The following PI4KA variants were observed in gnomAD, a reference collection of about 807,000 sequenced individuals.
PI4KA encodes PI4-kinase alpha.
A neutral mutation model predicts 271.4 loss-of-function variants in PI4KA; 122 were observed. The observed-to-expected ratio is 0.45, with a 90% CI of 0.39 to 0.52. The LOEUF is 0.52. PI4KA is among the 20% of genes least tolerant of loss of function. PI4KA has a pLI of 0.00. For missense variants in PI4KA, 1,969 were observed against 2,769.1 expected, an observed-to-expected ratio of 0.71 and a Z score of 6.48; for synonymous variants, 1,041 against 1,078.8, an observed-to-expected ratio of 0.96 and a Z score of 0.69.
chr22:20,770,513 CAAAAAAA>C (rs1178691364), intron 19 of PI4KA, among the ~76,000 whole-genome samples: 24 of 13,200 alleles, frequency 1.8e-3, no homozygotes, highest in African/African-American at 8.1e-3. Context: ...AACTCCGTCT[CAAAAAAA>C]AAAAAAAAAA....
At chr22:20,796,336 A>G in intron 17 of PI4KA, 22 bp from the exon 18 acceptor site, 1 of 1,605,084 alleles carries the variant, frequency 6.2e-7, no homozygotes, top group East Asian at 2.2e-5. Context: ...GGAGTGAAAT[A>G]ACAGCCACTG....
chr22:20,828,844 C>T (rs944649171), intron 3 of PI4KA, among the ~76,000 whole-genome samples: 3 of 152,140 alleles, frequency 2.0e-5, no homozygotes, highest in Non-Finnish European at 2.9e-5. Flanking sequence ...TGAGCCACCA[C>T]GCCTGGCCTG....
intron 3 of PI4KA, among the ~76,000 whole-genome samples, chr22:20,833,960 C>T (rs1924549080): frequency 1.3e-5 from 2 of 151,884 alleles, no homozygotes; most frequent in African/African-American, 2.4e-5. Context: ...GCCCGGCCGA[C>T]CCAGACTAGT....
chr22:20,840,434 G>A (rs1311763390), intron 1 of PI4KA, among the ~76,000 whole-genome samples: 1 of 152,198 alleles, frequency 6.6e-6, no homozygotes, highest in Non-Finnish European at 1.5e-5. Context: ...CAAACACATA[G>A]AGGCCTTAGG....
intron 39 of PI4KA, among the ~76,000 whole-genome samples, 176 bp from the exon 40 acceptor site, chr22:20,728,040 A>G (rs1334003489): frequency 6.6e-6 from 1 of 152,244 alleles, no homozygotes; most frequent in Non-Finnish European, 1.5e-5. Flanking sequence ...ATTTGATAGC[A>G]CAACAGGGGG....
At chr22:20,813,548 C>A in intron 7 of PI4KA, 42 bp from the exon 8 acceptor site, 1 of 1,598,166 alleles carries the variant, frequency 6.3e-7, no homozygotes, top group Non-Finnish European at 8.5e-7. Context: ...TGGTGACAGG[C>A]AACTAGGGTA....
intron 1 of PI4KA, among the ~76,000 whole-genome samples, chr22:20,848,334 C>G (rs1313817892): frequency 6.6e-6 from 1 of 151,304 alleles, no homozygotes; most frequent in African/African-American, 2.4e-5. Context: ...TAGGTGAGTT[C>G]TTTGCAGAAA....
chr22:20,792,805 C>T (rs1039097480), intron 19 of PI4KA, among the ~76,000 whole-genome samples: 1 of 152,188 alleles, frequency 6.6e-6, no homozygotes, highest in African/African-American at 2.4e-5. Flanking sequence ...AAGAGGCTTC[C>T]AGGCCTGCAC....
At chr22:20,759,696 G>A (rs537329715) in intron 23 of PI4KA, among the ~76,000 whole-genome samples, 78 of 152,218 alleles carry the variant, frequency 5.1e-4, no homozygotes, top group African/African-American at 1.9e-3. Context: ...CTCCCGAGTA[G>A]CTGGGACTAC....
rs1180392102 is a variant in PI4KA, at chr22:20,714,866, T to C, written c.5318-166A>G. On this transcript the variant is annotated intron_variant, in intron 45 of 54. Coordinates refer to ENST00000255882, the MANE Select transcript of PI4KA (RefSeq NM_058004.4). Reference sequence around the variant, plus strand: ...AGGGCACCACTAACTTATTATTCCATGGCCGCTAAGGGTCCGTCCTCCTTG... The same window carrying C: ...AGGGCACCACTAACTTATTATTCCACGGCCGCTAAGGGTCCGTCCTCCTTG... Among the ~76,000 whole-genome samples, 4 of 152,332 alleles carry C rather than the reference T, an allele frequency of 2.6e-5. No individual in the cohort carries two copies. In the South Asian group the frequency reaches 8.3e-4, roughly 32 times the overall value.
At chr22:20,770,579 G>GACACACACACACACACACACACAC (rs528696021) in intron 19 of PI4KA, among the ~76,000 whole-genome samples, 1 of 96,024 alleles carries the variant, frequency 1.0e-5, no homozygotes, top group Non-Finnish European at 2.0e-5. Context: ...GCTGGACACG[G>GACACACACACACACACACACACAC]ACACACACAC....
intron 3 of PI4KA, among the ~76,000 whole-genome samples, chr22:20,832,460 T>A (rs537737882): frequency 6.6e-6 from 1 of 151,516 alleles, no homozygotes; most frequent in African/African-American, 2.4e-5. Context: ...TCAGTTTGGT[T>A]GTTTTCTTTT....
At chr22:20,770,513 CAA>C (rs1178691364) in intron 19 of PI4KA, among the ~76,000 whole-genome samples, 2 of 13,200 alleles carry the variant, frequency 1.5e-4, no homozygotes, top group Admixed American at 9.6e-4. Context: ...AACTCCGTCT[CAA>C]AAAAAAAAAA....
chr22:20,761,421 A>T (rs1164051368), intron 22 of PI4KA, 35 bp from the exon 23 acceptor site: 1 of 1,349,960 alleles, frequency 7.4e-7, no homozygotes, highest in Non-Finnish European at 1.1e-6. Context: ...AATTTTGAAA[A>T]ATCTGGGCCC....
At chr22:20,712,362 C>T (rs1925403194) in intron 50 of PI4KA, 124 bp downstream of exon 50, 1 of 1,549,096 alleles carries the variant, frequency 6.5e-7, no homozygotes, top group South Asian at 1.2e-5. Context: ...GCCCAGGTGC[C>T]CTGGTTTTAA....
intron 2 of PI4KA, among the ~76,000 whole-genome samples, chr22:20,836,054 A>AAAAACAAAACAAAAC (rs112102593): frequency 0.031 from 4,671 of 149,422 alleles, 203 homozygotes; most frequent in African/African-American, 0.098. Context: ...TCCATTTCAA[A>AAAAACAAAACAAAAC]AAAACAAAAC....
intron 10 of PI4KA, among the ~76,000 whole-genome samples, chr22:20,805,832 CAAAAAAAAAAA>C (rs362153): frequency 1.9e-5 from 2 of 105,288 alleles, no homozygotes; most frequent in African/African-American, 7.0e-5. Context: ...ACTCCCATCT[CAAAAAAAAAAA>C]AAAAAAGAAA....
At chr22:20,747,876 A>C (rs1245531686) in intron 28 of PI4KA, among the ~76,000 whole-genome samples, 174 bp from the exon 29 acceptor site, 1 of 151,916 alleles carries the variant, frequency 6.6e-6, no homozygotes, top group African/African-American at 2.4e-5. Flanking sequence ...CTGGGACTAT[A>C]GGGGCACGCC....
chr22:20,808,142 T>C (rs2147634768), intron 9 of PI4KA, among the ~76,000 whole-genome samples: 1 of 150,996 alleles, frequency 6.6e-6, no homozygotes, highest in South Asian at 2.1e-4. Flanking sequence ...AATACAAAAT[T>C]AGCTGGGCGT....
Sources: allele counts gnomAD v4.1 joint callset (sites outside exome capture counted in the v4.1 genomes callset), GRCh38; gene constraint gnomAD v4.1.1; transcripts MANE v1.5; gene names NCBI Gene and HGNC (gene_info 2026-07-23, HGNC 2026-07-21).